The following SYT2 variants were observed in gnomAD, a reference collection of about 807,000 sequenced individuals.
SYT2 encodes the protein synaptotagmin-2.
Under a neutral mutation model 39.9 loss-of-function variants are expected in SYT2, and 15 were observed. That is an observed-to-expected ratio of 0.38 (90% CI 0.25 to 0.58). SYT2 has a LOEUF of 0.58. Among genes scored for constraint, SYT2 ranks in the 20% least tolerant of loss-of-function variants. SYT2 has a pLI of 0.70. For missense variants in SYT2, 389 were observed against 530.3 expected (o/e 0.73, Z 2.62); for synonymous variants, 181 against 204.5 (o/e 0.89, Z 0.98).
At chr1:202,694,860 A>G (rs1394610009) in intron 1 of SYT2, among the ~76,000 whole-genome samples, 2 of 151,908 alleles carry the variant, frequency 1.3e-5, no homozygotes, top group Non-Finnish European at 2.9e-5. Flanking sequence ...ACAACTGTGC[A>G]TACATTCTTC....
In SYT2 at chr1:202,599,708, C is replaced by A. The variant is rs780850374; in HGVS notation, c.920-357G>T. ...CATCTGCTGGGTCATAATCCCAATC[C>A]GATCCCCCTAATCTTGCAGACAAGA... On this transcript the variant is annotated intron_variant, in intron 7 of 8. Coordinates refer to ENST00000367268, the MANE Select transcript of SYT2 (RefSeq NM_177402.5). The surrounding 1 kb of genome is among the most constrained non-coding windows in gnomAD (Gnocchi z 4.4). Among the ~76,000 whole-genome samples, 2 of 152,168 alleles carry A rather than the reference C, an allele frequency of 1.3e-5. No homozygotes were observed. Among genetic ancestry groups the A allele is most frequent in the East Asian group, 3.9e-4 (2 of 5,180 alleles).
At chr1:202,602,791 A>C (rs755323059) in intron 4 of SYT2, among the ~76,000 whole-genome samples, 13 of 152,146 alleles carry the variant, frequency 8.5e-5, no homozygotes, top group Admixed American at 5.9e-4. Context: ...TTAATAGCAT[A>C]ATCAACTTGG....
At chr1:202,710,071 C>A (rs1249560931) in intron 1 of SYT2, among the ~76,000 whole-genome samples, 187 bp downstream of exon 1, 1 of 152,084 alleles carries the variant, frequency 6.6e-6, no homozygotes, top group Non-Finnish European at 1.5e-5. Flanking sequence ...GACGAACCTT[C>A]CATCCGGACG....
chr1:202,683,778 C>T (rs1653588577), intron 1 of SYT2, among the ~76,000 whole-genome samples: 1 of 151,380 alleles, frequency 6.6e-6, no homozygotes, highest in Non-Finnish European at 1.5e-5. Context: ...TATATTATTC[C>T]AGTTCAAAAA....
Position 202,709,605 on chromosome 1 carries a change from G to A in SYT2, c.-18+653C>T, listed in dbSNP as rs559599914. On this transcript the variant is annotated intron_variant, in intron 1 of 8. Coordinates refer to ENST00000367268, the MANE Select transcript of SYT2 (RefSeq NM_177402.5). ...GACAGAGCTGAAGCAGGGACGGGGC[G>A]TCCTAGGTCGTGCTGAGTCATGAGA... 5.3e-4 allele frequency among the ~76,000 whole-genome samples: 81 copies of A among 152,210 alleles called. 2 individuals are homozygous for A. In the East Asian group the frequency reaches 0.015, roughly 29 times the overall value.
chr1:202,633,067 T>C (rs1033730207), intron 1 of SYT2, among the ~76,000 whole-genome samples: 42 of 152,202 alleles, frequency 2.8e-4, no homozygotes, highest in African/African-American at 9.9e-4. Flanking sequence ...AGTTGGAAGA[T>C]GCAGACGCGC....
At chr1:202,662,726 G>A (rs982702412) in intron 1 of SYT2, among the ~76,000 whole-genome samples, 4 of 152,336 alleles carry the variant, frequency 2.6e-5, no homozygotes, top group East Asian at 3.9e-4. Context: ...TGGTCCCATC[G>A]TTAGCTAAGC....
At chr1:202,636,618 C>T (rs959715601) in intron 1 of SYT2, 1 of 153,006 alleles carries the variant, frequency 6.5e-6, no homozygotes, top group African/African-American at 2.4e-5. Context: ...TCATCAAAGC[C>T]AATCATATCC....
chr1:202,609,726 T>C (rs1262774827), intron 1 of SYT2, among the ~76,000 whole-genome samples: 1 of 152,244 alleles, frequency 6.6e-6, no homozygotes, highest in Non-Finnish European at 1.5e-5. Context: ...TGCCCACTTT[T>C]TGATGGGGTT....
intron 1 of SYT2, among the ~76,000 whole-genome samples, chr1:202,649,297 T>C (rs1298317637): frequency 3.3e-5 from 5 of 152,174 alleles, no homozygotes; most frequent in Non-Finnish European, 2.9e-5. Context: ...ATGAAGCAGA[T>C]CTGGGGGAGG....
At position 202,695,285 on chromosome 1, in the gene SYT2, C is replaced by G. The variant is rs1209808726; in HGVS notation, c.-18+14973G>C. ...CAAAAAGTCTAAGGACACAAAGAAC[C>G]CTTGGGAGGGCATCTGACCCATCAC... On this transcript the variant is annotated intron_variant, in intron 1 of 8. Coordinates refer to ENST00000367268, the MANE Select transcript of SYT2 (RefSeq NM_177402.5). Among the ~76,000 whole-genome samples, 4 of 152,122 alleles carry G rather than the reference C, an allele frequency of 2.6e-5. No homozygotes were observed. The East Asian group carries it at 5.8e-4, about 22-fold the overall frequency.
chr1:202,645,865 C>G (rs1032488796), intron 1 of SYT2, among the ~76,000 whole-genome samples: 1 of 152,172 alleles, frequency 6.6e-6, no homozygotes, highest in Non-Finnish European at 1.5e-5. Flanking sequence ...GTGCTTCACT[C>G]AGAGCCCCCT....
chr1:202,619,255 A>T (rs758557292), intron 1 of SYT2, among the ~76,000 whole-genome samples: 4 of 152,222 alleles, frequency 2.6e-5, no homozygotes, highest in Non-Finnish European at 5.9e-5. Context: ...TAAATGGATC[A>T]GGGTGCCAGG....
intron 1 of SYT2, among the ~76,000 whole-genome samples, chr1:202,676,147 G>A (rs1047693690): frequency 3.3e-5 from 5 of 152,210 alleles, no homozygotes; most frequent in Admixed American, 3.3e-4. Flanking sequence ...TACGCAGGCT[G>A]TGGTCCTAAC....
chr1:202,602,157 T>C, intron 5 of SYT2, 100 bp from the exon 6 acceptor site: 1 of 1,453,822 alleles, frequency 6.9e-7, no homozygotes. Flanking sequence ...GGGTCCAGGT[T>C]AGTGTGCCGA....
At chr1:202,707,299 G>T (rs1165508326) in intron 1 of SYT2, among the ~76,000 whole-genome samples, 1 of 152,138 alleles carries the variant, frequency 6.6e-6, no homozygotes. Context: ...GTACTTAGCA[G>T]CCCTGGGATT....
Position 202,691,725 on chromosome 1 carries a change from GAGGGGGGGAGAGAGAGAGAGA to G in SYT2, c.-18+18512_-18+18532del, listed in dbSNP as rs1653832759. On this transcript the variant is annotated intron_variant, in intron 1 of 8. Transcript: ENST00000367268. ...AGAGGGAGAGGGAGAGGGAGAGGGA[GAGGGGGGGAGAGAGAGAGAGA>G]GAGAGAGAGAGAGAGAGAGAGAGAG... Among the ~76,000 whole-genome samples, 25 of 16,362 alleles carry G rather than the reference GAGGGGGGGAGAGAGAGAGAGA, an allele frequency of 1.5e-3. 1 individual carries two copies. The highest frequency in any genetic ancestry group is 2.1e-3 in the Non-Finnish European group (15 of 7,170). The allele number at this position is 16,362 out of a possible 152,430, so 10.7% of individuals were successfully genotyped here. A position where few individuals can be genotyped will look rare whatever the true frequency, so the allele number is the denominator to read the frequency against.
chr1:202,607,891 T>TA lies in SYT2; in HGVS notation c.-17-2103dup, dbSNP rs1553335721. Among the ~76,000 whole-genome samples, 151 of 148,296 alleles carry TA rather than the reference T, an allele frequency of 1.0e-3. 1 individual carries two copies. In the South Asian group the frequency reaches 0.021, roughly 20 times the overall value. Reference sequence around the variant, plus strand: ...TCAGGGCTCTGTGACCTTTTTTTTTTAAAAAACAGCTTTATTGAGATGTAA... The same window carrying TA: ...TCAGGGCTCTGTGACCTTTTTTTTTTAAAAAAACAGCTTTATTGAGATGTAA... On this transcript the variant is annotated intron_variant, in intron 1 of 8. Coordinates refer to ENST00000367268, the MANE Select transcript of SYT2 (RefSeq NM_177402.5).
At chr1:202,641,665 C>T (rs1691920069) in intron 1 of SYT2, among the ~76,000 whole-genome samples, 3 of 152,214 alleles carry the variant, frequency 2.0e-5, no homozygotes, top group Admixed American at 1.3e-4. Flanking sequence ...GTGCTCTAGG[C>T]TATTGTAGTG....
Sources: allele counts gnomAD v4.1 joint callset (sites outside exome capture counted in the v4.1 genomes callset), GRCh38; gene constraint gnomAD v4.1.1; non-coding constraint Gnocchi (gnomAD v3.1); transcripts MANE v1.5; gene names NCBI Gene and HGNC (gene_info 2026-07-23, HGNC 2026-07-21).